Variants in ADAMTSL1 observed in about 807,000 individuals in gnomAD.
ADAMTSL1 encodes ADAMTS-like protein 1.
A neutral mutation model predicts 201.8 loss-of-function variants in ADAMTSL1; 126 were observed. The ratio of observed to expected loss-of-function variants is 0.62; its 90% CI spans 0.54 to 0.72. The LOEUF is 0.72. ADAMTSL1 is among the 30% of genes least tolerant of loss of function. The probability of loss-of-function intolerance (pLI) is 0.00; values close to 1 mark genes in which losing one functional copy is unlikely to be tolerated. For synonymous variants in ADAMTSL1, 1,121 were observed against 903.4 expected (o/e 1.24, Z -4.32); for missense variants, 2,679 against 2,277.8 (o/e 1.18, Z -3.59).
At chr9:18,198,001 A>G (rs1829263091) in intron 2 of ADAMTSL1, among the ~76,000 whole-genome samples, 1 of 152,198 alleles carries the variant, frequency 6.6e-6, no homozygotes. Flanking sequence ...AAAACAAGCA[A>G]TGGGGAAAGG....
intron 21 of ADAMTSL1, among the ~76,000 whole-genome samples, chr9:18,821,667 T>C (rs1330306973): frequency 6.6e-6 from 1 of 152,158 alleles, no homozygotes; most frequent in Non-Finnish European, 1.5e-5. Flanking sequence ...GCCTTGGTTT[T>C]TTAGAATAAT....
chr9:18,865,415 C>T (rs529338155), intron 23 of ADAMTSL1, among the ~76,000 whole-genome samples: 1 of 152,216 alleles, frequency 6.6e-6, no homozygotes, highest in South Asian at 2.1e-4. Context: ...GTATATGTGC[C>T]ACATTTTCTT....
chr9:18,706,486 G>A (rs937175740), intron 13 of ADAMTSL1, among the ~76,000 whole-genome samples: 1 of 152,218 alleles, frequency 6.6e-6, no homozygotes, highest in Non-Finnish European at 1.5e-5. Context: ...TGGGTGCAAA[G>A]TAGGGAGCAA....
At chr9:18,699,963 A>G (rs908642808) in intron 13 of ADAMTSL1, among the ~76,000 whole-genome samples, 10 of 152,324 alleles carry the variant, frequency 6.6e-5, no homozygotes, top group Non-Finnish European at 1.5e-4. Flanking sequence ...TTGCATAACT[A>G]GCATGATTTA....
intron 2 of ADAMTSL1, among the ~76,000 whole-genome samples, chr9:18,201,547 A>G (rs1829447040): frequency 6.6e-6 from 1 of 152,072 alleles, no homozygotes; most frequent in Admixed American, 6.6e-5. Context: ...CTACTATACA[A>G]TATTACGGCC....
At chr9:17,928,881 T>C (rs754941457) in intron 1 of ADAMTSL1, among the ~76,000 whole-genome samples, 1 of 152,040 alleles carries the variant, frequency 6.6e-6, no homozygotes, top group South Asian at 2.1e-4. Context: ...ACAGACAAGG[T>C]AGAATTTTAG....
intron 2 of ADAMTSL1, among the ~76,000 whole-genome samples, chr9:18,348,104 A>T (rs1053689332): frequency 2.6e-5 from 4 of 152,224 alleles, no homozygotes; most frequent in Non-Finnish European, 1.5e-5. Context: ...CCAATTGTAG[A>T]TTTAAATTTA....
intron 2 of ADAMTSL1, among the ~76,000 whole-genome samples, chr9:18,248,393 A>G (rs1587393275): frequency 6.6e-6 from 1 of 152,128 alleles, no homozygotes; most frequent in Non-Finnish European, 1.5e-5. Context: ...CTGCACTGGG[A>G]CAAGAAAAGC....
intron 16 of ADAMTSL1, among the ~76,000 whole-genome samples, chr9:18,759,062 A>G (rs868158478): frequency 1.2e-4 from 18 of 152,336 alleles, no homozygotes; most frequent in Admixed American, 1.1e-3. Flanking sequence ...AACACAATTT[A>G]TATTTCTCTA....
At position 18,134,128 on chromosome 9, in the gene ADAMTSL1, C is replaced by T. The variant is rs148783820; in HGVS notation, c.88-29734C>T. Among the ~76,000 whole-genome samples the T allele has an allele frequency of 1.4e-3, 211 of 152,284 alleles. 2 individuals are homozygous for T. In the Middle Eastern group the frequency reaches 0.017, roughly 12 times the overall value. ...CCATATCTGTGCATGCCTAGTTTGG[C>T]ACAGTGCAATTCTGGTCATTTACTA... On this transcript the variant is annotated intron_variant, in intron 1 of 29. Coordinates refer to the ADAMTSL1 transcript ENST00000680146.
intron 2 of ADAMTSL1, among the ~76,000 whole-genome samples, chr9:18,260,234 C>T (rs1005491434): frequency 6.6e-6 from 1 of 152,172 alleles, no homozygotes; most frequent in Non-Finnish European, 1.5e-5. Context: ...AGTCTTCTAC[C>T]CACTGAACTA....
At chr9:18,536,443 C>A (rs866867756) in intron 3 of ADAMTSL1, among the ~76,000 whole-genome samples, 15 of 142,706 alleles carry the variant, frequency 1.1e-4, no homozygotes, top group African/African-American at 3.3e-4. Context: ...CCCAGTTTCC[C>A]TTTTTTTTTT....
At chr9:18,162,609 A>T (rs975030678) in intron 1 of ADAMTSL1, among the ~76,000 whole-genome samples, 9 of 152,006 alleles carry the variant, frequency 5.9e-5, no homozygotes, top group African/African-American at 1.9e-4. Flanking sequence ...GCCATTATAT[A>T]TGTTATAGAA....
At chr9:17,916,448 GT>G (rs1273325947) in intron 1 of ADAMTSL1, among the ~76,000 whole-genome samples, 23 of 152,074 alleles carry the variant, frequency 1.5e-4, no homozygotes, top group Non-Finnish European at 3.1e-4. Flanking sequence ...ATAGTTTTAG[GT>G]TTTTACATTT....
At chr9:18,698,980 A>G (rs1298904397) in intron 13 of ADAMTSL1, among the ~76,000 whole-genome samples, 2 of 152,228 alleles carry the variant, frequency 1.3e-5, no homozygotes, top group African/African-American at 4.8e-5. Flanking sequence ...CTTCAAGATG[A>G]CTTCAACAAA....
intron 4 of ADAMTSL1, among the ~76,000 whole-genome samples, chr9:18,596,887 T>G (rs1278460283): frequency 6.6e-6 from 1 of 152,210 alleles, no homozygotes; most frequent in Non-Finnish European, 1.5e-5. Context: ...CTAGGGTCAC[T>G]TTCTTTCTCA....
At chr9:18,374,341 T>A (rs1405809882) in intron 2 of ADAMTSL1, among the ~76,000 whole-genome samples, 1 of 151,808 alleles carries the variant, frequency 6.6e-6, no homozygotes, top group Non-Finnish European at 1.5e-5. Context: ...TTTAATTTTT[T>A]TTTTATTTTT....
At position 18,734,880 on chromosome 9, in the gene ADAMTSL1, C is replaced by G. The variant is rs150894900; in HGVS notation, c.2006+13215C>G. 5.4e-3 allele frequency among the ~76,000 whole-genome samples: 817 copies of G among 152,294 alleles called. 1 individual carries two copies. Among genetic ancestry groups the G allele is most frequent in the African/African-American group, 0.017 (701 of 41,550 alleles). Reference sequence around the variant, plus strand: ...GTGCCTTCCATCCCCTTTCAGTCTTCCAGGTAAGCCTAAAATTGCTTGATT... The same window carrying G: ...GTGCCTTCCATCCCCTTTCAGTCTTGCAGGTAAGCCTAAAATTGCTTGATT... On this transcript the variant is annotated intron_variant, in intron 15 of 28. Transcript: ENST00000380548.
chr9:18,752,582 C>G (rs1819526412), intron 15 of ADAMTSL1, among the ~76,000 whole-genome samples: 1 of 152,208 alleles, frequency 6.6e-6, no homozygotes, highest in African/African-American at 2.4e-5. Flanking sequence ...AGGCCCTTAG[C>G]TCACTATAAA....
Sources: allele counts gnomAD v4.1 joint callset (sites outside exome capture counted in the v4.1 genomes callset), GRCh38; gene constraint gnomAD v4.1.1; transcripts MANE v1.5; gene names NCBI Gene and HGNC (gene_info 2026-07-23, HGNC 2026-07-21).